CADM2: variants seen among roughly 807,000 people sequenced by gnomAD.
CADM2 encodes cell adhesion molecule 2.
A neutral mutation model predicts 49.8 loss-of-function variants in CADM2; 12 were observed. The observed-to-expected ratio is 0.24, with a 90% confidence interval of 0.15 to 0.39. The LOEUF (loss-of-function observed/expected upper bound fraction) is 0.39. Among genes scored for constraint, CADM2 ranks in the 10% least tolerant of loss-of-function variants. CADM2 has a pLI of 1.00. For synonymous variants in CADM2, 214 were observed against 175.4 expected, an observed-to-expected ratio of 1.22 and a Z score of -1.74; for missense variants, 378 against 492.3, an observed-to-expected ratio of 0.77 and a Z score of 2.20.
At chr3:85,306,258 C>T (rs892659641) in intron 1 of CADM2, among the ~76,000 whole-genome samples, 31 of 151,472 alleles carry the variant, frequency 2.0e-4, no homozygotes, top group African/African-American at 7.0e-4. Context: ...TGGATTTAGT[C>T]CTGCTTTAAA....
intron 8 of CADM2, among the ~76,000 whole-genome samples, chr3:86,016,596 C>T (rs546152083): frequency 1.3e-5 from 2 of 152,114 alleles, no homozygotes; most frequent in Non-Finnish European, 2.9e-5. Context: ...CAGGCCAACA[C>T]ATTATCCTTC....
intron 1 of CADM2, among the ~76,000 whole-genome samples, chr3:85,295,005 C>A (rs2043916381): frequency 6.6e-6 from 1 of 151,988 alleles, no homozygotes; most frequent in Non-Finnish European, 1.5e-5. Flanking sequence ...GAACAGGCAA[C>A]CTACAAAATG....
chr3:85,533,117 A>G (rs890244776), intron 1 of CADM2, among the ~76,000 whole-genome samples: 3 of 152,186 alleles, frequency 2.0e-5, no homozygotes, highest in Non-Finnish European at 4.4e-5. Context: ...AAGTTTACCT[A>G]TGTAACAAAC....
rs142944707 is a variant in CADM2 at position 85,379,904 on chromosome 3, C to T, written c.62-346618C>T. Among the ~76,000 whole-genome samples the T allele has an allele frequency of 1.5e-3, 221 of 152,132 alleles. 1 individual carries two copies. Among genetic ancestry groups the T allele is most frequent in the African/African-American group, 5.1e-3 (214 of 41,560 alleles). ...TCAGCTTTCATTATTTCCTCTGACC[C>T]AGCTTATTGTCTGACATCTTTTGAA... On this transcript the variant is annotated intron_variant, in intron 1 of 9. Transcript: ENST00000383699.
chr3:85,601,173 T>TACACACACAC (rs374397941), intron 1 of CADM2, among the ~76,000 whole-genome samples: 64 of 99,414 alleles, frequency 6.4e-4, no homozygotes, highest in East Asian at 1.9e-3. Flanking sequence ...TATATATATA[T>TACACACACAC]ACACACACAC....
intron 3 of CADM2, among the ~76,000 whole-genome samples, chr3:85,864,837 T>C (rs2075665615): frequency 6.6e-6 from 1 of 152,242 alleles, no homozygotes; most frequent in South Asian, 2.1e-4. Flanking sequence ...TTTCTTTGAA[T>C]ATTCCTTGGA....
At chr3:85,236,419 T>C (rs2042409029) in intron 1 of CADM2, among the ~76,000 whole-genome samples, 1 of 152,036 alleles carries the variant, frequency 6.6e-6, no homozygotes. Context: ...CCTTCTTTGC[T>C]AGAGAGTTAA....
intron 8 of CADM2, among the ~76,000 whole-genome samples, chr3:86,054,998 CAA>C (rs1324158441): frequency 3.9e-5 from 6 of 152,046 alleles, no homozygotes; most frequent in Middle Eastern, 3.4e-3. Flanking sequence ...AGAACAGCTC[CAA>C]GAGAGAAAGA....
chr3:85,509,853 G>A (rs1016349110), intron 1 of CADM2, among the ~76,000 whole-genome samples: 1 of 151,850 alleles, frequency 6.6e-6, no homozygotes, highest in Non-Finnish European at 1.5e-5. Flanking sequence ...ATTTAAAGTA[G>A]CACTCCAATA....
intron 3 of CADM2, among the ~76,000 whole-genome samples, chr3:85,829,835 A>G (rs1219457724): frequency 6.6e-6 from 1 of 152,012 alleles, no homozygotes; most frequent in Admixed American, 6.6e-5. Flanking sequence ...TGTTGTCCCA[A>G]ATGGCAAAAT....
intron 1 of CADM2, among the ~76,000 whole-genome samples, chr3:85,303,686 A>G (rs939078691): frequency 6.6e-6 from 1 of 151,970 alleles, no homozygotes; most frequent in Non-Finnish European, 1.5e-5. Context: ...AATAGCCTAT[A>G]TAATGTCAAA....
intron 1 of CADM2, among the ~76,000 whole-genome samples, chr3:84,992,971 G>A (rs1255439879): frequency 6.6e-6 from 1 of 152,054 alleles, no homozygotes; most frequent in Admixed American, 6.6e-5. Flanking sequence ...GGATGTTGAA[G>A]GTTGTCAACC....
chr3:86,006,328 G>A (rs985525077), intron 8 of CADM2, among the ~76,000 whole-genome samples: 3 of 152,158 alleles, frequency 2.0e-5, no homozygotes, highest in Non-Finnish European at 4.4e-5. Flanking sequence ...CATCCTTGAT[G>A]ACAGAATAGT....
intron 1 of CADM2, among the ~76,000 whole-genome samples, chr3:85,142,419 G>T (rs2039604682): frequency 6.6e-6 from 1 of 152,140 alleles, no homozygotes; most frequent in Non-Finnish European, 1.5e-5. Context: ...AGTGATATGA[G>T]AATATGAATG....
At chr3:85,661,023 G>A (rs116137745) in intron 1 of CADM2, among the ~76,000 whole-genome samples, 1 of 152,094 alleles carries the variant, frequency 6.6e-6, no homozygotes, top group Non-Finnish European at 1.5e-5. Context: ...GAGATTTTAA[G>A]AATTCAGCTT....
At chr3:86,034,044 T>C (rs1734870392) in intron 8 of CADM2, among the ~76,000 whole-genome samples, 1 of 151,648 alleles carries the variant, frequency 6.6e-6, no homozygotes, top group African/African-American at 2.4e-5. Context: ...AAACATGATT[T>C]CACTTTCTGG....
intron 8 of CADM2, among the ~76,000 whole-genome samples, chr3:86,039,784 C>T (rs980615457): frequency 6.6e-6 from 1 of 152,070 alleles, no homozygotes; most frequent in Non-Finnish European, 1.5e-5. Flanking sequence ...CAGACTACCT[C>T]CTCAAGTGGG....
At chr3:85,547,844 C>T (rs995144640) in intron 1 of CADM2, among the ~76,000 whole-genome samples, 1 of 152,116 alleles carries the variant, frequency 6.6e-6, no homozygotes, top group African/African-American at 2.4e-5. Context: ...GCATGGAGAG[C>T]ACAAGTCATC....
intron 2 of CADM2, among the ~76,000 whole-genome samples, chr3:85,744,894 G>A (rs571098527): frequency 9.2e-5 from 14 of 152,280 alleles, no homozygotes; most frequent in South Asian, 4.1e-4. Context: ...GCAGGGCAGC[G>A]GAAGAATGGC....
Sources: gnomAD v4.1 joint callset for allele counts (sites outside exome capture counted in the v4.1 genomes callset) on GRCh38, gnomAD v4.1.1 for gene constraint, MANE v1.5 for transcripts, NCBI Gene and HGNC (gene_info 2026-07-23, HGNC 2026-07-21) for gene names.